Variants in VPS53 observed in about 807,000 individuals in gnomAD.
VPS53 encodes the protein VPS53 subunit of GARP complex.
VPS53 carries 70 observed loss-of-function variants against 107.0 expected under a neutral mutation model. That is an observed-to-expected ratio of 0.65 (90% CI 0.54 to 0.80). The LOEUF is 0.80. Ranked by LOEUF, VPS53 falls within the 30% of genes least tolerant of loss-of-function variation. The pLI is 0.00. For synonymous variants in VPS53, 409 were observed against 393.3 expected, an observed-to-expected ratio of 1.04 and a Z score of -0.47; for missense variants, 917 against 1,049.4, an observed-to-expected ratio of 0.87 and a Z score of 1.74.
At chr17:537,227 C>A in intron 17 of VPS53, 51 bp from the exon 18 acceptor site, 2 of 1,594,816 alleles carry the variant, frequency 1.3e-6, no homozygotes, top group South Asian at 1.1e-5. Flanking sequence ...AGAACGGTGT[C>A]GCCTGTTACT....
chr17:541,810 G>A (rs1474152015), intron 17 of VPS53, among the ~76,000 whole-genome samples: 6 of 149,818 alleles, frequency 4.0e-5, no homozygotes, highest in Admixed American at 6.7e-5. Context: ...CACCTACCAC[G>A]CACTGAAGGA....
intron 7 of VPS53, among the ~76,000 whole-genome samples, chr17:647,606 C>T (rs964042709): frequency 2.6e-5 from 4 of 152,092 alleles, no homozygotes. Context: ...AAGTCCTGTT[C>T]GCCTGCTTTC....
Position 515,777 on chromosome 17 carries a change from G to A in VPS53, c.*3351C>T, listed in dbSNP as rs1376378948. On this transcript the variant is annotated 3_prime_UTR_variant, in exon 22 of 22. Coordinates refer to ENST00000437048, the MANE Select transcript of VPS53 (RefSeq NM_001128159.3). ...TCAGTATGGAGAGAGCCCAATCCTG[G>A]GCATGGTCCCCACCACCACCAAAAG... 2.6e-5 allele frequency: 4 copies of A among 151,374 alleles called. No homozygotes were observed. In the East Asian group the frequency reaches 7.8e-4, roughly 30 times the overall value. The allele number at this position is 151,374 out of a possible 1,614,324, so 9.4% of individuals were successfully genotyped here.
chr17:578,005 T>C (rs530242547), intron 13 of VPS53, among the ~76,000 whole-genome samples: 1 of 151,082 alleles, frequency 6.6e-6, no homozygotes, highest in Non-Finnish European at 1.5e-5. Flanking sequence ...CCTCAGAACA[T>C]AATGCGTTCC....
chr17:669,592 T>TAAAAAAAAAAAAAAAAAAAAAAAAAA (rs200157618), intron 4 of VPS53, among the ~76,000 whole-genome samples: 11 of 110,268 alleles, frequency 1.0e-4, no homozygotes, highest in East Asian at 2.9e-4. Flanking sequence ...TACTCTGTCT[T>TAAAAAAAAAAAAAAAAAAAAAAAAAA]AAAAAAAAAA....
At chr17:687,295 A>C (rs1216819782) in intron 4 of VPS53, among the ~76,000 whole-genome samples, 1 of 150,616 alleles carries the variant, frequency 6.6e-6, no homozygotes, top group Non-Finnish European at 1.5e-5. Flanking sequence ...CAAAAAAAAA[A>C]AGCCAGGTGC....
rs572595175 is a variant in VPS53 at position 535,948 on chromosome 17, G to A, written c.2015+1080C>T. On this transcript the variant is annotated intron_variant, in intron 18 of 21. Transcript: ENST00000437048. Reference sequence around the variant, plus strand: ...AGTCCTGAATCACCAGCTGGGGCCTGGATGGGAACAACCCAAATACAGTAG... The same window carrying A: ...AGTCCTGAATCACCAGCTGGGGCCTAGATGGGAACAACCCAAATACAGTAG... Among the ~76,000 whole-genome samples the A allele has an allele frequency of 2.0e-3, 305 of 152,234 alleles. 2 individuals carry two copies. Among genetic ancestry groups the A allele is most frequent in the Non-Finnish European group, 3.5e-3 (239 of 68,026 alleles).
intron 4 of VPS53, among the ~76,000 whole-genome samples, chr17:683,717 G>C (rs531744595): frequency 6.6e-6 from 1 of 152,120 alleles, no homozygotes; most frequent in South Asian, 2.1e-4. Flanking sequence ...AAATAAAATA[G>C]CTGGGTGTGG....
chr17:574,795 C>G (rs1914462821), intron 13 of VPS53, among the ~76,000 whole-genome samples: 1 of 152,276 alleles, frequency 6.6e-6, no homozygotes, highest in South Asian at 2.1e-4. Context: ...ACCCTGGACC[C>G]AGTAACTTTT....
At chr17:615,280 G>A (rs970937383) in intron 11 of VPS53, among the ~76,000 whole-genome samples, 2 of 152,190 alleles carry the variant, frequency 1.3e-5, no homozygotes, top group Non-Finnish European at 2.9e-5. Context: ...TGTCCCTGAG[G>A]CTCTTTCAGT....
chr17:533,254 T>G (rs1389145377), intron 18 of VPS53, among the ~76,000 whole-genome samples: 1 of 152,212 alleles, frequency 6.6e-6, no homozygotes, highest in Non-Finnish European at 1.5e-5. Flanking sequence ...ATGTAAGGGC[T>G]ACAGGCACCG....
rs1347950240 is a variant in VPS53 at position 532,887 on chromosome 17, G to GC, written c.2039_2040insG (p.His681ProfsTer9). Reference sequence around the variant, plus strand: ...TAATTGGCTTGCACTTGAAGAGGTGGGTGATGAATTTGGGAATGAAGGAGC... The same window carrying GC: ...TAATTGGCTTGCACTTGAAGAGGTGGCGTGATGAATTTGGGAATGAAGGAGC... On this transcript the variant is annotated frameshift_variant, in exon 19 of 22. Coordinates refer to ENST00000437048, the MANE Select transcript of VPS53 (RefSeq NM_001128159.3). LOFTEE classifies it high-confidence loss of function. 1 of 1,613,878 alleles carries GC rather than the reference G, an allele frequency of 6.2e-7. No individual in the cohort carries two copies. The highest frequency in any genetic ancestry group is 8.5e-7 in the Non-Finnish European group (1 of 1,179,938).
At chr17:609,574 T>G (rs1295391471) in intron 11 of VPS53, among the ~76,000 whole-genome samples, 2 of 152,208 alleles carry the variant, frequency 1.3e-5, no homozygotes, top group South Asian at 2.1e-4. Flanking sequence ...CCCTTCACAT[T>G]AGGCATGGCA....
intron 11 of VPS53, among the ~76,000 whole-genome samples, chr17:610,891 T>C (rs1163902941): frequency 6.9e-6 from 1 of 144,550 alleles, no homozygotes; most frequent in African/African-American, 2.6e-5. Flanking sequence ...TGAGCCGAGA[T>C]CTCACCACTG....
At position 665,780 on chromosome 17, in the gene VPS53, G is replaced by A. The variant is rs969654777; in HGVS notation, c.286-3885C>T. Among the ~76,000 whole-genome samples, 5 of 152,168 alleles carry A rather than the reference G, an allele frequency of 3.3e-5. No homozygotes were observed. In the East Asian group the frequency reaches 7.7e-4, roughly 23 times the overall value. ...AGTACTTTGGGAGCCTGAGGCGGGC[G>A]GATCGCCTGAGGTCAAGAGTTCAAG... On this transcript the variant is annotated intron_variant, in intron 4 of 21. Coordinates refer to ENST00000437048, the MANE Select transcript of VPS53 (RefSeq NM_001128159.3).
chr17:679,286 C>T (rs951263398), intron 4 of VPS53, among the ~76,000 whole-genome samples: 3 of 152,012 alleles, frequency 2.0e-5, no homozygotes, highest in South Asian at 2.1e-4. Context: ...GAGGCCGAGG[C>T]GCGCAGATCA....
rs1458332382 is a variant in VPS53, at chr17:616,388, G to A, written c.1116+7145C>T. The stretch of plus-strand genomic sequence containing the variant: ...AGAACCTGAAACTCTGCAAACTTGA[G>A]AGGAGAGGAGAGCAACAACTGAACA... On this transcript the variant is annotated intron_variant, in intron 11 of 21. Coordinates refer to ENST00000437048, the MANE Select transcript of VPS53 (RefSeq NM_001128159.3). 2.0e-5 allele frequency: 3 copies of A among 152,378 alleles called. No individual in the cohort carries two copies. In the East Asian group the frequency reaches 5.8e-4, roughly 29 times the overall value. The allele number at this position is 152,378 out of a possible 1,614,324, so 9.4% of individuals were successfully genotyped here.
chr17:572,949 C>T (rs1012481566), intron 13 of VPS53, among the ~76,000 whole-genome samples: 3 of 151,926 alleles, frequency 2.0e-5, no homozygotes, highest in Non-Finnish European at 4.4e-5. Flanking sequence ...ACTTGTTTAT[C>T]TGCTGACCTT....
chr17:704,487 T>C (rs1251489953), intron 2 of VPS53, among the ~76,000 whole-genome samples: 3 of 152,202 alleles, frequency 2.0e-5, no homozygotes, highest in African/African-American at 7.2e-5. Flanking sequence ...GGTATACAGA[T>C]GGTTTTTGCC....
Sources: gnomAD v4.1 joint callset for allele counts (sites outside exome capture counted in the v4.1 genomes callset) on GRCh38, gnomAD v4.1.1 for gene constraint, MANE v1.5 for transcripts, NCBI Gene and HGNC (gene_info 2026-07-23, HGNC 2026-07-21) for gene names.